Variants in FHIT observed in about 807,000 individuals in gnomAD.
The protein encoded by FHIT is bis(5'-adenosyl)-triphosphatase.
A neutral mutation model predicts 17.9 loss-of-function variants in FHIT; 19 were observed. The ratio of observed to expected loss-of-function variants is 1.06; its 90% CI spans 0.74 to 1.56. The LOEUF is 1.56. Among genes scored for constraint, FHIT ranks in the 40% most tolerant of loss-of-function variants. The probability of loss-of-function intolerance (pLI) is 0.00; values close to 1 mark genes in which losing one functional copy is unlikely to be tolerated. For missense variants in FHIT, 248 were observed against 189.2 expected (o/e 1.31, Z -1.82); for synonymous variants, 81 against 69.7 (o/e 1.16, Z -0.81).
At chr3:61,051,333 G>A (rs2034019191) in intron 2 of FHIT, among the ~76,000 whole-genome samples, 1 of 152,014 alleles carries the variant, frequency 6.6e-6, no homozygotes, top group Admixed American at 6.6e-5. Flanking sequence ...TGCAGTGGCA[G>A]GCACTCCCCA....
intron 1 of FHIT, among the ~76,000 whole-genome samples, chr3:61,227,622 A>C (rs2040001360): frequency 6.6e-6 from 1 of 152,184 alleles, no homozygotes; most frequent in Non-Finnish European, 1.5e-5. Flanking sequence ...AATGGGTGGA[A>C]ATAAAGAAGA....
intron 2 of FHIT, among the ~76,000 whole-genome samples, chr3:61,058,812 G>A (rs1402272149): frequency 6.6e-6 from 1 of 152,134 alleles, no homozygotes; most frequent in Admixed American, 6.5e-5. Context: ...AACCTTACAT[G>A]GTAGGTACCA....
intron 5 of FHIT, among the ~76,000 whole-genome samples, chr3:60,451,199 C>T (rs2031720463): frequency 6.6e-6 from 1 of 151,864 alleles, no homozygotes; most frequent in Non-Finnish European, 1.5e-5. Flanking sequence ...TATCAGGGGC[C>T]CAGTGCTCCT....
chr3:60,418,374 GTGTATATATATATATATATATA>G (rs1464649686), intron 5 of FHIT, among the ~76,000 whole-genome samples: 1 of 2,360 alleles, frequency 4.2e-4, no homozygotes, highest in African/African-American at 5.2e-4. Context: ...ATCTGAATGT[GTGTATATATATATATATATATA>G]TATATATATA....
At chr3:60,455,418 A>T (rs1234388339) in intron 5 of FHIT, among the ~76,000 whole-genome samples, 1 of 152,160 alleles carries the variant, frequency 6.6e-6, no homozygotes, top group Non-Finnish European at 1.5e-5. Context: ...ATCATAAAAC[A>T]AGATGAAAGC....
intron 3 of FHIT, among the ~76,000 whole-genome samples, chr3:61,007,426 T>C (rs1181438476): frequency 6.6e-6 from 1 of 152,178 alleles, no homozygotes; most frequent in Non-Finnish European, 1.5e-5. Flanking sequence ...ATTCATTAGG[T>C]TCAGTGGAGG....
At chr3:60,666,565 T>G (rs2040385628) in intron 4 of FHIT, among the ~76,000 whole-genome samples, 1 of 152,216 alleles carries the variant, frequency 6.6e-6, no homozygotes, top group Non-Finnish European at 1.5e-5. Flanking sequence ...ATAGCACAGA[T>G]TTCATTGGGA....
At chr3:60,249,985 A>G (rs188997891) in intron 5 of FHIT, among the ~76,000 whole-genome samples, 1 of 152,246 alleles carries the variant, frequency 6.6e-6, no homozygotes, top group East Asian at 1.9e-4. Context: ...CTACCACAAG[A>G]ACAGTATGGG....
At chr3:60,408,829 G>A (rs1490696706) in intron 5 of FHIT, among the ~76,000 whole-genome samples, 1 of 152,104 alleles carries the variant, frequency 6.6e-6, no homozygotes. Context: ...ACCATAATCA[G>A]GGAATAGACT....
chr3:60,305,158 GACC>G (rs1708615528), intron 5 of FHIT, among the ~76,000 whole-genome samples: 1 of 151,900 alleles, frequency 6.6e-6, no homozygotes, highest in African/African-American at 2.4e-5. Flanking sequence ...TATAACATGG[GACC>G]TGTTAAGACA....
intron 5 of FHIT, among the ~76,000 whole-genome samples, chr3:60,365,421 C>A (rs967814487): frequency 5.3e-5 from 8 of 151,934 alleles, no homozygotes; most frequent in African/African-American, 1.9e-4. Context: ...GTTTTAAATT[C>A]TATCACAATT....
At chr3:61,241,266 T>C (rs1409478046) in intron 1 of FHIT, among the ~76,000 whole-genome samples, 1 of 152,150 alleles carries the variant, frequency 6.6e-6, no homozygotes, top group Non-Finnish European at 1.5e-5. Flanking sequence ...AATCTTACTC[T>C]AAGCAGGTTC....
intron 3 of FHIT, among the ~76,000 whole-genome samples, chr3:60,950,864 T>A (rs1371489484): frequency 2.0e-5 from 3 of 152,108 alleles, no homozygotes; most frequent in African/African-American, 7.2e-5. Context: ...AGGAGCGGAT[T>A]TATCTAACAG....
intron 4 of FHIT, among the ~76,000 whole-genome samples, chr3:60,583,103 T>G (rs1270760294): frequency 6.6e-6 from 1 of 151,864 alleles, no homozygotes; most frequent in Non-Finnish European, 1.5e-5. Context: ...AAAAACTCTC[T>G]TTACACAGCA....
intron 4 of FHIT, among the ~76,000 whole-genome samples, chr3:60,579,582 CAT>C (rs1419305152): frequency 6.6e-6 from 1 of 152,114 alleles, no homozygotes; most frequent in Admixed American, 6.6e-5. Context: ...TATATAAACA[CAT>C]GTCTATACAT....
intron 5 of FHIT, among the ~76,000 whole-genome samples, chr3:60,070,220 T>C (rs1434363658): frequency 3.3e-5 from 5 of 152,180 alleles, no homozygotes; most frequent in African/African-American, 1.2e-4. Flanking sequence ...CAGTCATATT[T>C]ACAGAAGCTC....
intron 3 of FHIT, among the ~76,000 whole-genome samples, chr3:60,961,864 A>C (rs1553781031): frequency 6.6e-6 from 1 of 152,194 alleles, no homozygotes; most frequent in African/African-American, 2.4e-5. Flanking sequence ...AAGTAGCGTG[A>C]TGCCTCTAGC....
chr3:61,045,142 TA>T (rs1575904056), intron 2 of FHIT, among the ~76,000 whole-genome samples: 1 of 152,184 alleles, frequency 6.6e-6, no homozygotes, highest in East Asian at 1.9e-4. Context: ...ATATTAACCT[TA>T]AATGTAAATG....
intron 3 of FHIT, among the ~76,000 whole-genome samples, chr3:61,009,616 A>G (rs2031674288): frequency 6.6e-6 from 1 of 152,194 alleles, no homozygotes; most frequent in Admixed American, 6.5e-5. Context: ...TACTCAAAGA[A>G]GTGCTTCCTA....
Sources: gnomAD v4.1 joint callset for allele counts (sites outside exome capture counted in the v4.1 genomes callset) on GRCh38, gnomAD v4.1.1 for gene constraint, MANE v1.5 for transcripts, NCBI Gene and HGNC (gene_info 2026-07-23, HGNC 2026-07-21) for gene names.